ARK2N: variants seen among roughly 807,000 people sequenced by gnomAD.
The protein encoded by ARK2N is protein ARK2N.
At chr18:46,197,254 T>G in the ARK2N span, among the ~76,000 whole-genome samples, 1 of 149,308 alleles carries the variant, frequency 6.7e-6, no homozygotes, top group Non-Finnish European at 1.5e-5. Flanking sequence ...TGTCCCTTTC[T>G]TTTTTTTTTG....
chr18:46,233,921 T>G, the ARK2N span, among the ~76,000 whole-genome samples: 1 of 152,322 alleles, frequency 6.6e-6, no homozygotes, highest in Middle Eastern at 3.4e-3. Flanking sequence ...TAGCCCTATC[T>G]TAGACATTTT....
At chr18:46,185,195 C>T in the ARK2N span, among the ~76,000 whole-genome samples, 2 of 152,306 alleles carry the variant, frequency 1.3e-5, no homozygotes, top group Admixed American at 6.5e-5. Context: ...GTGTTAGGAA[C>T]TGTGAGTGAA....
chr18:46,252,018 C>T, the ARK2N span, among the ~76,000 whole-genome samples: 1 of 151,940 alleles, frequency 6.6e-6, no homozygotes, highest in Non-Finnish European at 1.5e-5. Flanking sequence ...CGTGACGAAA[C>T]CCCATCTCTA....
the ARK2N span, among the ~76,000 whole-genome samples, chr18:46,189,186 G>T: frequency 7.5e-6 from 1 of 133,134 alleles, no homozygotes; most frequent in East Asian, 2.2e-4. Context: ...CTGCACTCCA[G>T]CCTGGGTGAC....
At chr18:46,204,970 G>A in the ARK2N span, among the ~76,000 whole-genome samples, 391 of 147,644 alleles carry the variant, frequency 2.6e-3, 2 homozygotes, top group Non-Finnish European at 4.5e-3. Context: ...TTGAGACAGA[G>A]TCTTGCCCTG....
chr18:46,186,760 G>A, the ARK2N span, among the ~76,000 whole-genome samples: 2 of 151,772 alleles, frequency 1.3e-5, no homozygotes, highest in African/African-American at 4.8e-5. Flanking sequence ...CGCCCACCTC[G>A]GCCTCCCAAA....
At chr18:46,227,256 A>G in the ARK2N span, among the ~76,000 whole-genome samples, 696 of 152,340 alleles carry the variant, frequency 4.6e-3, 7 homozygotes, top group African/African-American at 0.016. Context: ...CGGTATATTT[A>G]GAGTCGTATA....
chr18:46,262,982 G>A, the ARK2N span: 2 of 1,614,144 alleles, frequency 1.2e-6, no homozygotes, highest in African/African-American at 1.3e-5. Flanking sequence ...TGGAAGCATG[G>A]CTCGGGCACG....
the ARK2N span, among the ~76,000 whole-genome samples, chr18:46,200,979 C>CTTTTTTT: frequency 1.2e-4 from 14 of 112,846 alleles, no homozygotes; most frequent in East Asian, 4.9e-4. Flanking sequence ...TTTCTTTTTT[C>CTTTTTTT]TTTTTTTTTT....
chr18:46,241,963 C>T, the ARK2N span, among the ~76,000 whole-genome samples: 4 of 151,812 alleles, frequency 2.6e-5, no homozygotes, highest in South Asian at 2.1e-4. Flanking sequence ...ATTACAGGCG[C>T]GCACCACCAC....
chr18:46,234,047 G>A, the ARK2N span, among the ~76,000 whole-genome samples: 1 of 151,936 alleles, frequency 6.6e-6, no homozygotes, highest in African/African-American at 2.4e-5. Flanking sequence ...ATCTTTTGTT[G>A]ATGAAATTCT....
chr18:46,180,299 C>G, the ARK2N span, among the ~76,000 whole-genome samples: 1 of 152,174 alleles, frequency 6.6e-6, no homozygotes, highest in Non-Finnish European at 1.5e-5. Context: ...GACAATTAAT[C>G]TAAAGTGGAA....
the ARK2N span, chr18:46,228,757 G>C: frequency 6.5e-5 from 26 of 398,382 alleles, no homozygotes; most frequent in Non-Finnish European, 9.3e-5. Context: ...ATTTTGTAGG[G>C]ACGGGGTTCT....
chr18:46,205,007 G>C, the ARK2N span, among the ~76,000 whole-genome samples: 1 of 150,702 alleles, frequency 6.6e-6, no homozygotes, highest in Admixed American at 6.6e-5. Context: ...GCAGTGGTGC[G>C]ATCTCGGCTC....
chr18:46,193,244 T>C, the ARK2N span, among the ~76,000 whole-genome samples: 6 of 152,172 alleles, frequency 3.9e-5, no homozygotes, highest in Non-Finnish European at 7.3e-5. Context: ...CAGTACTACC[T>C]ACAGCATTGG....
chr18:46,236,346 G>A, the ARK2N span, among the ~76,000 whole-genome samples: 1 of 152,158 alleles, frequency 6.6e-6, no homozygotes, highest in Non-Finnish European at 1.5e-5. Context: ...CTTTTCTTGT[G>A]TTGTGATTGT....
At chr18:46,193,071 C>G in the ARK2N span, among the ~76,000 whole-genome samples, 3 of 151,756 alleles carry the variant, frequency 2.0e-5, no homozygotes, top group African/African-American at 7.3e-5. Context: ...GAGACTGAGG[C>G]AGGAGAATTG....
At chr18:46,187,814 T>C in the ARK2N span, among the ~76,000 whole-genome samples, 1 of 152,208 alleles carries the variant, frequency 6.6e-6, no homozygotes, top group Admixed American at 6.5e-5. Flanking sequence ...GTAATAAACA[T>C]AACATGGTTT....
chr18:46,184,915 G>C, the ARK2N span, among the ~76,000 whole-genome samples: 1 of 152,132 alleles, frequency 6.6e-6, no homozygotes, highest in Non-Finnish European at 1.5e-5. Flanking sequence ...TTGCATATTT[G>C]CGTATACACA....
Sources: gnomAD v4.1 joint callset for allele counts (sites outside exome capture counted in the v4.1 genomes callset) on GRCh38, gnomAD v4.1.1 for gene constraint, MANE v1.5 for transcripts, NCBI Gene and HGNC (gene_info 2026-07-23, HGNC 2026-07-21) for gene names.